The following GRID2 variants were observed in gnomAD, a reference collection of about 807,000 sequenced individuals.
GRID2 encodes glutamate ionotropic receptor delta type subunit 2, also known as glutamate receptor ionotropic, delta-2.
Under a neutral mutation model 114.8 loss-of-function variants are expected in GRID2, and 33 were observed. The observed-to-expected ratio is 0.29, with a 90% CI of 0.22 to 0.38. GRID2 has a LOEUF of 0.38. Ranked by LOEUF, GRID2 falls within the 10% of genes least tolerant of loss-of-function variation. The pLI is 1.00. For missense variants in GRID2, 1,184 were observed against 1,257.7 expected (o/e 0.94, Z 0.89); for synonymous variants, 505 against 449.9 (o/e 1.12, Z -1.55).
chr4:92,986,453 A>G (rs994840850), intron 2 of GRID2, among the ~76,000 whole-genome samples: 3 of 152,160 alleles, frequency 2.0e-5, no homozygotes, highest in African/African-American at 7.2e-5. Context: ...AATTCTTTCT[A>G]TTTAAATGTT....
At chr4:93,743,941 T>C (rs927146816) in intron 14 of GRID2, among the ~76,000 whole-genome samples, 1 of 152,162 alleles carries the variant, frequency 6.6e-6, no homozygotes, top group African/African-American at 2.4e-5. Context: ...CTGAATACAT[T>C]TGGTGACTTT....
chr4:92,710,080 A>C (rs1735168724), intron 2 of GRID2, among the ~76,000 whole-genome samples: 1 of 152,084 alleles, frequency 6.6e-6, no homozygotes, highest in African/African-American at 2.4e-5. Flanking sequence ...TACTTGTTTT[A>C]TTAGTTTTAA....
intron 10 of GRID2, among the ~76,000 whole-genome samples, chr4:93,431,221 T>G (rs1266108927): frequency 6.6e-6 from 1 of 151,794 alleles, no homozygotes; most frequent in Non-Finnish European, 1.5e-5. Context: ...ATAGGGTGAG[T>G]TGGATATGTA....
intron 2 of GRID2, among the ~76,000 whole-genome samples, chr4:92,624,030 A>G (rs1730402567): frequency 6.6e-6 from 1 of 151,872 alleles, no homozygotes; most frequent in African/African-American, 2.4e-5. Flanking sequence ...TGCAGAACAT[A>G]CTGTAGATAA....
chr4:92,477,932 G>A (rs1404271083), intron 1 of GRID2, among the ~76,000 whole-genome samples: 1 of 150,318 alleles, frequency 6.7e-6, no homozygotes, highest in Non-Finnish European at 1.5e-5. Context: ...TGTGTTATTG[G>A]TACTATACAA....
chr4:92,935,921 A>T (rs529094533), intron 2 of GRID2, among the ~76,000 whole-genome samples: 2 of 145,758 alleles, frequency 1.4e-5, no homozygotes, highest in Non-Finnish European at 1.5e-5. Context: ...GCATTAAGAG[A>T]TATACCTAAT....
intron 1 of GRID2, among the ~76,000 whole-genome samples, chr4:92,574,411 G>GTTT (rs1727783712): frequency 1.6e-5 from 2 of 122,920 alleles, no homozygotes; most frequent in Admixed American, 9.1e-5. Context: ...CTGTACTTTA[G>GTTT]TATTTTTTTT....
intron 2 of GRID2, among the ~76,000 whole-genome samples, chr4:92,904,021 C>T (rs1404665817): frequency 6.6e-6 from 1 of 151,814 alleles, no homozygotes; most frequent in African/African-American, 2.4e-5. Flanking sequence ...AGTTTCTTTT[C>T]TTATTTCTAA....
intron 4 of GRID2, among the ~76,000 whole-genome samples, chr4:93,200,498 G>A (rs1332368308): frequency 1.3e-5 from 2 of 151,362 alleles, no homozygotes; most frequent in African/African-American, 4.9e-5. Context: ...CCCGGGAGGT[G>A]GAGCTTGCAG....
chr4:93,468,880 G>A (rs1204404367), intron 11 of GRID2, among the ~76,000 whole-genome samples: 1 of 152,158 alleles, frequency 6.6e-6, no homozygotes, highest in African/African-American at 2.4e-5. Context: ...ATGTAGATTT[G>A]TATCTAAAGG....
chr4:93,663,351 G>C (rs966932288), intron 14 of GRID2, among the ~76,000 whole-genome samples: 12 of 152,096 alleles, frequency 7.9e-5, no homozygotes, highest in African/African-American at 2.9e-4. Context: ...CTAATAATGT[G>C]TCCCCCAAAA....
chr4:93,520,996 TGGA>T (rs1730285461), intron 13 of GRID2, among the ~76,000 whole-genome samples: 4 of 151,736 alleles, frequency 2.6e-5, no homozygotes, highest in African/African-American at 9.7e-5. Flanking sequence ...GAGGCGGGGG[TGGA>T]CCAGAGTGAT....
rs929162086 is a variant in GRID2 at position 92,778,868 on chromosome 4, A to G, written c.244+188582A>G. Among the ~76,000 whole-genome samples, 7 of 152,174 alleles carry G rather than the reference A, an allele frequency of 4.6e-5. No homozygotes were observed. The South Asian group carries it at 1.0e-3, about 23-fold the overall frequency. On this transcript the variant is annotated intron_variant, in intron 2 of 15. Coordinates refer to ENST00000282020, the MANE Select transcript of GRID2 (RefSeq NM_001510.4). ...TTTAATGCTGGTTCATGCCTTAAAG[A>G]TAATCTATTATAACTCTTTATTATA... is the stretch of plus-strand genomic sequence containing the variant.
intron 1 of GRID2, among the ~76,000 whole-genome samples, chr4:92,450,386 G>C (rs891658585): frequency 7.2e-5 from 11 of 151,970 alleles, no homozygotes; most frequent in African/African-American, 2.7e-4. Context: ...CAAATGATAA[G>C]ACCTCGAAGG....
chr4:93,264,709 G>GATATATATATATATAT lies in GRID2; in HGVS notation c.1245+26220_1245+26235dup, dbSNP rs70942961. Among the ~76,000 whole-genome samples, 695 of 132,880 alleles carry GATATATATATATATAT rather than the reference G, an allele frequency of 5.2e-3. 12 individuals carry two copies. The highest frequency in any genetic ancestry group is 0.018 in the South Asian group (76 of 4,228). 87.2% of individuals were successfully genotyped at this position (132,880 alleles called of 152,430 possible). A position where few individuals can be genotyped will look rare whatever the true frequency, so the allele number is the denominator to read the frequency against. ...AAGGAGTTATGTTTGAGTTTTGAAT[G>GATATATATATATATAT]ATATATATATATATATCATTTGAAT... On this transcript the variant is annotated intron_variant, in intron 8 of 15. Transcript: ENST00000282020.
chr4:92,700,999 A>AACAAAAC (rs1553918280), intron 2 of GRID2, among the ~76,000 whole-genome samples: 90 of 132,134 alleles, frequency 6.8e-4, no homozygotes, highest in African/African-American at 2.2e-3. Context: ...ATCTCAAAAA[A>AACAAAAC]AAAAAAAAAA....
chr4:92,357,651 G>C (rs1160189015), intron 1 of GRID2, among the ~76,000 whole-genome samples: 2 of 151,616 alleles, frequency 1.3e-5, no homozygotes, highest in Non-Finnish European at 2.9e-5. Flanking sequence ...ATGATGACAT[G>C]AACAGTTAGA....
chr4:92,909,812 A>G (rs1362505814), intron 2 of GRID2, among the ~76,000 whole-genome samples: 2 of 152,168 alleles, frequency 1.3e-5, no homozygotes, highest in Admixed American at 6.6e-5. Flanking sequence ...ATCATGCTCT[A>G]TGTCCTTAAG....
At chr4:93,286,695 GT>G (rs373499849) in intron 8 of GRID2, among the ~76,000 whole-genome samples, 69,752 of 136,798 alleles carry the variant, frequency 0.51, 16,250 homozygotes, top group African/African-American at 0.57. Context: ...GTGTGTGGGG[GT>G]GTGTGTGTGT....
Sources: gnomAD v4.1 joint callset for allele counts (sites outside exome capture counted in the v4.1 genomes callset) on GRCh38, gnomAD v4.1.1 for gene constraint, MANE v1.5 for transcripts, NCBI Gene and HGNC (gene_info 2026-07-23, HGNC 2026-07-21) for gene names.